DSCAM: variants seen among roughly 807,000 people sequenced by gnomAD.
DSCAM encodes the protein cell adhesion molecule DSCAM.
Under a neutral mutation model 217.7 loss-of-function variants are expected in DSCAM, and 47 were observed. The observed-to-expected ratio is 0.22, with a 90% confidence interval of 0.17 to 0.28. The LOEUF (loss-of-function observed/expected upper bound fraction) is 0.28, where lower values mean the gene tolerates loss of function less well. Among genes scored for constraint, DSCAM ranks in the 10% least tolerant of loss-of-function variants. The pLI, the probability that DSCAM is intolerant of heterozygous loss-of-function variation, is 1.00. For synonymous variants in DSCAM, 1,056 were observed against 1,015.3 expected (o/e 1.04, Z -0.76); for missense variants, 2,080 against 2,618.3 (o/e 0.79, Z 4.49).
chr21:40,288,944 A>G (rs1017540278), intron 10 of DSCAM, among the ~76,000 whole-genome samples: 12 of 152,212 alleles, frequency 7.9e-5, no homozygotes, highest in African/African-American at 2.9e-4. Flanking sequence ...CTTATAGCCC[A>G]GTCTCCTAAC....
At position 40,606,076 on chromosome 21, in the gene DSCAM, C is replaced by T. The variant is rs1442121410; in HGVS notation, c.508+86734G>A. On this transcript the variant is annotated intron_variant, in intron 3 of 32. Coordinates refer to ENST00000400454, the MANE Select transcript of DSCAM (RefSeq NM_001389.5). ...CTGGCCTCCCAAAGTGCTGGGATTA[C>T]AGATGTGAGCCACTGTGCCCAGCCA... 2.6e-5 allele frequency among the ~76,000 whole-genome samples: 4 copies of T among 152,150 alleles called. No homozygotes were observed. In the East Asian group the frequency reaches 5.8e-4, roughly 22 times the overall value.
intron 3 of DSCAM, among the ~76,000 whole-genome samples, chr21:40,563,953 G>C (rs920885946): frequency 6.6e-6 from 1 of 152,126 alleles, no homozygotes; most frequent in Admixed American, 6.5e-5. Flanking sequence ...CATTTCAGGG[G>C]AGAAGGGAGG....
intron 16 of DSCAM, among the ~76,000 whole-genome samples, chr21:40,152,115 G>T (rs936172441): frequency 2.6e-5 from 3 of 116,400 alleles, no homozygotes; most frequent in African/African-American, 5.3e-5. Flanking sequence ...GTAAGCATAT[G>T]GAAAAAAAAA....
intron 3 of DSCAM, among the ~76,000 whole-genome samples, chr21:40,536,883 C>T (rs556185399): frequency 4.6e-5 from 7 of 152,290 alleles, no homozygotes; most frequent in African/African-American, 7.2e-5. Flanking sequence ...CAAGTCCAGC[C>T]GTGACAGCTT....
chr21:40,509,164 C>T lies in DSCAM; in HGVS notation c.509-139919G>A, dbSNP rs530028857. 3.4e-3 allele frequency among the ~76,000 whole-genome samples: 516 copies of T among 152,038 alleles called. 4 individuals carry two copies. Among genetic ancestry groups the T allele is most frequent in the Non-Finnish European group, 6.2e-3 (420 of 67,998 alleles). ...ATATTTTTGGAAGTTGATGTCAGTC[C>T]GTGAGTGTCACTTGTTACACAAGCA... On this transcript the variant is annotated intron_variant, in intron 3 of 32. Transcript: ENST00000400454.
intron 21 of DSCAM, among the ~76,000 whole-genome samples, chr21:40,089,588 G>C (rs879810211): frequency 1.9e-4 from 29 of 152,120 alleles, no homozygotes; most frequent in Admixed American, 1.2e-3. Flanking sequence ...CTGAATTTTG[G>C]ACCCTGCTAC....
chr21:40,117,219 C>T (rs1354231949), intron 20 of DSCAM, among the ~76,000 whole-genome samples: 1 of 152,098 alleles, frequency 6.6e-6, no homozygotes, highest in Non-Finnish European at 1.5e-5. Context: ...TCACAGTCAT[C>T]ATCTATAAAA....
intron 3 of DSCAM, among the ~76,000 whole-genome samples, chr21:40,673,860 G>A (rs763107884): frequency 6.6e-6 from 1 of 152,076 alleles, no homozygotes; most frequent in Non-Finnish European, 1.5e-5. Context: ...CTGGCACCAT[G>A]CTTCCTCTAT....
chr21:40,257,579 G>A (rs2073391503), intron 11 of DSCAM, among the ~76,000 whole-genome samples: 2 of 151,814 alleles, frequency 1.3e-5, no homozygotes. Context: ...GCCTTTTACA[G>A]TGATTACCTT....
intron 32 of DSCAM, among the ~76,000 whole-genome samples, chr21:40,021,205 CAAAAA>C (rs763435750): frequency 5.9e-5 from 5 of 85,076 alleles, no homozygotes; most frequent in South Asian, 4.8e-4. Flanking sequence ...GACTCCGTCT[CAAAAA>C]AAAAAAAAAA....
intron 3 of DSCAM, among the ~76,000 whole-genome samples, chr21:40,438,183 G>A (rs927856328): frequency 1.3e-5 from 2 of 152,192 alleles, no homozygotes; most frequent in African/African-American, 4.8e-5. Context: ...TAAAATGAAG[G>A]AGATGAGATA....
intron 3 of DSCAM, among the ~76,000 whole-genome samples, chr21:40,675,710 T>C (rs1010249463): frequency 1.3e-5 from 2 of 152,244 alleles, no homozygotes; most frequent in African/African-American, 2.4e-5. Flanking sequence ...TTTTACATCC[T>C]ATATAATAAC....
At chr21:40,804,172 T>C (rs983166717) in intron 1 of DSCAM, among the ~76,000 whole-genome samples, 8 of 152,132 alleles carry the variant, frequency 5.3e-5, no homozygotes, top group Admixed American at 3.9e-4. Flanking sequence ...TCCACAGGGA[T>C]AGGGGAGGCT....
intron 3 of DSCAM, among the ~76,000 whole-genome samples, chr21:40,572,110 G>A (rs866696723): frequency 3.5e-4 from 52 of 149,452 alleles, no homozygotes; most frequent in African/African-American, 1.3e-3. Flanking sequence ...GTGTGTGTGT[G>A]TGTGTGTTTG....
At chr21:40,343,195 T>A (rs890836131) in intron 6 of DSCAM, among the ~76,000 whole-genome samples, 7 of 152,176 alleles carry the variant, frequency 4.6e-5, no homozygotes, top group African/African-American at 1.7e-4. Context: ...TAGAAATTGC[T>A]TTATTGTTTT....
intron 9 of DSCAM, among the ~76,000 whole-genome samples, chr21:40,303,061 G>A (rs11908878): frequency 0.041 from 6,183 of 152,224 alleles, 396 homozygotes; most frequent in African/African-American, 0.14. Flanking sequence ...TTTAATGAAA[G>A]CCATTTGGTG....
At chr21:40,022,272 A>G (rs967647459) in intron 32 of DSCAM, among the ~76,000 whole-genome samples, 1 of 152,150 alleles carries the variant, frequency 6.6e-6, no homozygotes, top group African/African-American at 2.4e-5. Context: ...GGGTGACACT[A>G]TTGATACCTA....
At chr21:40,757,672 T>G (rs2091289666) in intron 1 of DSCAM, among the ~76,000 whole-genome samples, 1 of 152,198 alleles carries the variant, frequency 6.6e-6, no homozygotes, top group South Asian at 2.1e-4. Context: ...GCCATCCGAT[T>G]TGAAGCCCAG....
chr21:40,268,249 G>A (rs1245524025), intron 11 of DSCAM, among the ~76,000 whole-genome samples: 1 of 152,202 alleles, frequency 6.6e-6, no homozygotes, highest in Non-Finnish European at 1.5e-5. Flanking sequence ...GAGCACGCAG[G>A]ATGTAGAACA....
Sources: allele counts gnomAD v4.1 joint callset (sites outside exome capture counted in the v4.1 genomes callset), GRCh38; gene constraint gnomAD v4.1.1; transcripts MANE v1.5; gene names NCBI Gene and HGNC (gene_info 2026-07-23, HGNC 2026-07-21).